The following CHCHD6 variants were observed in gnomAD, a reference collection of about 807,000 sequenced individuals.
The protein encoded by CHCHD6 is coiled-coil-helix-coiled-coil-helix domain containing 6, also known as MICOS complex subunit MIC25.
In CHCHD6, 28 loss-of-function variants were observed where a neutral mutation model predicts 32.3. The ratio of observed to expected loss-of-function variants is 0.87; its 90% CI spans 0.64 to 1.19. The LOEUF (loss-of-function observed/expected upper bound fraction) is 1.19. Among genes scored for constraint, CHCHD6 ranks in the 50% most tolerant of loss-of-function variants. CHCHD6 has a pLI of 0.00. For synonymous variants in CHCHD6, 122 were observed against 117.5 expected (o/e 1.04, Z -0.25); for missense variants, 333 against 307.0 (o/e 1.08, Z -0.63).
intron 4 of CHCHD6, among the ~76,000 whole-genome samples, chr3:126,761,528 C>A (rs1576383575): frequency 6.6e-6 from 1 of 152,186 alleles, no homozygotes; most frequent in Non-Finnish European, 1.5e-5. Flanking sequence ...TGGGCTCAAG[C>A]AGTCCTCCTT....
intron 4 of CHCHD6, among the ~76,000 whole-genome samples, chr3:126,795,644 G>T (rs775147968): frequency 4.6e-5 from 7 of 152,116 alleles, no homozygotes; most frequent in African/African-American, 4.8e-5. Flanking sequence ...TCAGTCTCTA[G>T]GTTTTCTGGG....
chr3:126,748,595 CAA>C (rs11378109), intron 4 of CHCHD6, among the ~76,000 whole-genome samples: 26 of 85,272 alleles, frequency 3.0e-4, no homozygotes, highest in Admixed American at 7.5e-4. Flanking sequence ...ACTACATCTC[CAA>C]AAAAAAAAAA....
intron 4 of CHCHD6, among the ~76,000 whole-genome samples, chr3:126,791,914 C>A (rs956383595): frequency 3.3e-5 from 5 of 152,186 alleles, no homozygotes; most frequent in African/African-American, 9.6e-5. Flanking sequence ...CTGGCCTCTA[C>A]TTTCTGTTTC....
At chr3:126,954,178 G>A (rs2078753658) in intron 6 of CHCHD6, among the ~76,000 whole-genome samples, 1 of 152,210 alleles carries the variant, frequency 6.6e-6, no homozygotes, top group Non-Finnish European at 1.5e-5. Context: ...GAGAGAGGCT[G>A]TCATGGTCCC....
At chr3:126,744,774 G>A (rs892373257) in intron 4 of CHCHD6, among the ~76,000 whole-genome samples, 8 of 151,858 alleles carry the variant, frequency 5.3e-5, no homozygotes, top group East Asian at 1.9e-4. Context: ...TGCAACCTCC[G>A]CCTCCTGGGT....
chr3:126,771,740 G>A (rs964116034), intron 4 of CHCHD6, among the ~76,000 whole-genome samples: 1 of 151,988 alleles, frequency 6.6e-6, no homozygotes, highest in African/African-American at 2.4e-5. Flanking sequence ...TTGTTAATTG[G>A]GGATCTTTCT....
chr3:126,907,259 G>C (rs571466817), intron 5 of CHCHD6, among the ~76,000 whole-genome samples: 150 of 152,242 alleles, frequency 9.9e-4, no homozygotes, highest in Non-Finnish European at 1.8e-3. Flanking sequence ...ACTTGTTTGG[G>C]GTAAGTGAAG....
At chr3:126,729,332 G>A (rs570150466) in intron 2 of CHCHD6, among the ~76,000 whole-genome samples, 31 of 152,250 alleles carry the variant, frequency 2.0e-4, no homozygotes, top group African/African-American at 7.2e-4. Flanking sequence ...GGATCTCCAC[G>A]TCACTAATAC....
chr3:126,908,844 CTG>C (rs1300028190), intron 5 of CHCHD6, among the ~76,000 whole-genome samples: 5 of 152,210 alleles, frequency 3.3e-5, no homozygotes, highest in African/African-American at 1.2e-4. Flanking sequence ...AAAGGAGGTT[CTG>C]TCATTGTTGT....
At chr3:126,837,504 G>A (rs922494847) in intron 4 of CHCHD6, among the ~76,000 whole-genome samples, 1 of 152,162 alleles carries the variant, frequency 6.6e-6, no homozygotes, top group Non-Finnish European at 1.5e-5. Context: ...GCTGGGGTGA[G>A]CCCAGGTCAT....
intron 4 of CHCHD6, among the ~76,000 whole-genome samples, chr3:126,783,123 AC>A (rs1350823712): frequency 6.6e-6 from 1 of 152,038 alleles, no homozygotes; most frequent in African/African-American, 2.4e-5. Flanking sequence ...TCTGGCATCC[AC>A]CCTTTGTTTC....
chr3:126,823,993 T>G (rs1198461559), intron 4 of CHCHD6, among the ~76,000 whole-genome samples: 1 of 152,098 alleles, frequency 6.6e-6, no homozygotes, highest in Non-Finnish European at 1.5e-5. Flanking sequence ...GAGGTTCACA[T>G]GAGTCCTGGA....
At chr3:126,842,703 C>T (rs1941142848) in intron 4 of CHCHD6, among the ~76,000 whole-genome samples, 1 of 151,694 alleles carries the variant, frequency 6.6e-6, no homozygotes, top group East Asian at 1.9e-4. Flanking sequence ...AACTTTTATT[C>T]TTGTAATTTT....
chr3:126,830,005 G>A (rs776478402), intron 4 of CHCHD6, among the ~76,000 whole-genome samples: 4 of 152,186 alleles, frequency 2.6e-5, no homozygotes, highest in Non-Finnish European at 5.9e-5. Flanking sequence ...GGCTGAAACA[G>A]GAGAATTGCT....
intron 4 of CHCHD6, among the ~76,000 whole-genome samples, chr3:126,749,487 C>T (rs1936639710): frequency 6.6e-6 from 1 of 152,302 alleles, no homozygotes; most frequent in East Asian, 1.9e-4. Context: ...GCCTAGACTC[C>T]TCTCTGGCCT....
intron 4 of CHCHD6, among the ~76,000 whole-genome samples, chr3:126,738,669 C>A (rs1376345662): frequency 6.6e-6 from 1 of 152,270 alleles, no homozygotes; most frequent in East Asian, 1.9e-4. Context: ...GCTGTGCAGT[C>A]GTCTGTTATC....
intron 6 of CHCHD6, among the ~76,000 whole-genome samples, chr3:126,943,593 T>G (rs2078593482): frequency 6.6e-6 from 1 of 152,172 alleles, no homozygotes; most frequent in African/African-American, 2.4e-5. Context: ...GTCCCCCTTT[T>G]TCTGGGTGAC....
intron 4 of CHCHD6, among the ~76,000 whole-genome samples, chr3:126,737,302 C>T (rs755955394): frequency 9.9e-5 from 15 of 151,338 alleles, no homozygotes; most frequent in Admixed American, 2.0e-4. Flanking sequence ...CTGGGCGACA[C>T]GGTGAGATTC....
intron 4 of CHCHD6, among the ~76,000 whole-genome samples, chr3:126,787,160 C>A (rs895360396): frequency 1.3e-5 from 2 of 152,142 alleles, no homozygotes; most frequent in Admixed American, 6.5e-5. Context: ...TTTCTGAGGG[C>A]TCTGTTCTGT....
Sources: allele counts gnomAD v4.1 joint callset (sites outside exome capture counted in the v4.1 genomes callset), GRCh38; gene constraint gnomAD v4.1.1; transcripts MANE v1.5; gene names NCBI Gene and HGNC (gene_info 2026-07-23, HGNC 2026-07-21).